The following PRICKLE2 variants were observed in gnomAD, a reference collection of about 807,000 sequenced individuals.
PRICKLE2 encodes the protein prickle planar cell polarity protein 2.
Under a neutral mutation model 81.4 loss-of-function variants are expected in PRICKLE2, and 21 were observed. That is an observed-to-expected ratio of 0.26 (90% CI 0.18 to 0.37). PRICKLE2 has a LOEUF of 0.37. Ranked by LOEUF, PRICKLE2 falls within the 10% of genes least tolerant of loss-of-function variation. The pLI, the probability that PRICKLE2 is intolerant of heterozygous loss-of-function variation, is 1.00. For synonymous variants in PRICKLE2, 456 were observed against 421.5 expected, an observed-to-expected ratio of 1.08 and a Z score of -1.00; for missense variants, 940 against 1,109.0, an observed-to-expected ratio of 0.85 and a Z score of 2.16.
At chr3:64,196,331 A>G (rs1411211035) in intron 2 of PRICKLE2, among the ~76,000 whole-genome samples, 1 of 152,166 alleles carries the variant, frequency 6.6e-6, no homozygotes, top group Non-Finnish European at 1.5e-5. Context: ...AGGTAAACAA[A>G]AGAAAGATGG....
At chr3:64,201,930 G>C (rs529095472) in intron 1 of PRICKLE2, among the ~76,000 whole-genome samples, 9 of 152,186 alleles carry the variant, frequency 5.9e-5, no homozygotes, top group Admixed American at 3.3e-4. Context: ...CACTAAGTAG[G>C]AGTCCACCTT....
chr3:64,238,097 G>T (rs144626691), intron 2 of PRICKLE2, among the ~76,000 whole-genome samples: 2 of 152,200 alleles, frequency 1.3e-5, no homozygotes, highest in African/African-American at 4.8e-5. Context: ...ACCAAAGCAG[G>T]GTCCAAACTA....
chr3:64,221,126 C>A (rs545291596), intron 1 of PRICKLE2, among the ~76,000 whole-genome samples: 2 of 152,060 alleles, frequency 1.3e-5, no homozygotes, highest in Non-Finnish European at 2.9e-5. Flanking sequence ...TTTGCACTTT[C>A]GTGGTGGATT....
intron 2 of PRICKLE2, among the ~76,000 whole-genome samples, chr3:64,179,609 C>A (rs533909434): frequency 1.3e-5 from 2 of 152,136 alleles, no homozygotes; most frequent in African/African-American, 2.4e-5. Context: ...TTAGGCAATT[C>A]AAATTTTTTA....
rs746249344 is a variant in PRICKLE2 at position 64,094,596 on chromosome 3, T to C, written c.*4455A>G. ...TAGTATGGCTCCCAATAGTGAGTCA[T>C]ATTTTATGGGAGTCTTGTGTTGACT... is the stretch of plus-strand genomic sequence containing the variant. On this transcript the variant is annotated 3_prime_UTR_variant, in exon 8 of 8. Transcript: ENST00000638394. The C allele has an allele frequency of 4.6e-5, 7 of 152,238 alleles. No homozygotes were observed. The highest frequency in any genetic ancestry group is 8.8e-5 in the Non-Finnish European group (6 of 68,040). The allele number at this position is 152,238 out of a possible 1,614,324, so 9.4% of individuals were successfully genotyped here.
At chr3:64,116,213 T>G (rs919818975) in intron 7 of PRICKLE2, among the ~76,000 whole-genome samples, 1 of 152,148 alleles carries the variant, frequency 6.6e-6, no homozygotes, top group African/African-American at 2.4e-5. Context: ...AGCAGGAAAC[T>G]TATAGCACTG....
chr3:64,182,509 A>G (rs974372807), intron 2 of PRICKLE2: 2 of 152,094 alleles, frequency 1.3e-5, no homozygotes, highest in African/African-American at 4.8e-5. Flanking sequence ...AGAAAAAAAA[A>G]AAAAAGGACT....
chr3:64,103,869 A>G (rs567271403), intron 7 of PRICKLE2, among the ~76,000 whole-genome samples: 79 of 152,244 alleles, frequency 5.2e-4, no homozygotes, highest in African/African-American at 1.8e-3. Flanking sequence ...AGTCCCAGCT[A>G]CTTGGGAGAC....
intron 7 of PRICKLE2, among the ~76,000 whole-genome samples, chr3:64,144,969 A>G (rs1314749039): frequency 6.6e-6 from 1 of 152,218 alleles, no homozygotes; most frequent in African/African-American, 2.4e-5. Context: ...GATAGTTCTC[A>G]GCCAGTGTTA....
At chr3:64,252,103 G>T (rs1234312855) in intron 2 of PRICKLE2, among the ~76,000 whole-genome samples, 4 of 151,872 alleles carry the variant, frequency 2.6e-5, no homozygotes, top group Admixed American at 2.0e-4. Context: ...AACCCAACAT[G>T]GTCTAAAAAA....
rs569664169 is a variant in PRICKLE2, at chr3:64,125,769, A to G, written c.1660+21061T>C. ...AATTTGCATGACTCACTTTATTGTGATATCTGCTCTATTGAGGTGTTTTAG... is the reference window on the plus strand; with the variant it reads ...AATTTGCATGACTCACTTTATTGTGGTATCTGCTCTATTGAGGTGTTTTAG... On this transcript the variant is annotated intron_variant, in intron 7 of 7. Coordinates refer to ENST00000638394, the MANE Select transcript of PRICKLE2 (RefSeq NM_198859.4). Among the ~76,000 whole-genome samples, 88 of 152,340 alleles carry G rather than the reference A, an allele frequency of 5.8e-4. 1 individual carries two copies. Among genetic ancestry groups the G allele is most frequent in the Non-Finnish European group, 1.0e-3 (71 of 68,026 alleles).
intron 7 of PRICKLE2, among the ~76,000 whole-genome samples, chr3:64,130,396 T>C (rs571950540): frequency 2.0e-5 from 3 of 152,318 alleles, no homozygotes; most frequent in Admixed American, 2.0e-4. Flanking sequence ...GAGCCAGTAA[T>C]GGACAGAGCC....
intron 1 of PRICKLE2, among the ~76,000 whole-genome samples, chr3:64,221,077 C>T (rs183766669): frequency 6.7e-6 from 1 of 150,220 alleles, no homozygotes; most frequent in Admixed American, 6.7e-5. Flanking sequence ...AACAGAGTTG[C>T]CTTCTGAGTT....
chr3:64,191,778 G>C (rs1197241898), intron 2 of PRICKLE2, among the ~76,000 whole-genome samples: 2 of 152,214 alleles, frequency 1.3e-5, no homozygotes, highest in African/African-American at 4.8e-5. Flanking sequence ...GTAGTAGAGA[G>C]ATTTGCCTGA....
chr3:64,136,494 T>A (rs1226339141), intron 7 of PRICKLE2, among the ~76,000 whole-genome samples: 1 of 150,684 alleles, frequency 6.6e-6, no homozygotes, highest in Non-Finnish European at 1.5e-5. Context: ...ATCCCTGGAA[T>A]ACTCAAATTG....
chr3:64,207,539 C>T (rs1008756828), intron 1 of PRICKLE2, among the ~76,000 whole-genome samples: 4 of 152,164 alleles, frequency 2.6e-5, no homozygotes, highest in Non-Finnish European at 4.4e-5. Flanking sequence ...GCCACCCACA[C>T]ATGCACACAC....
At chr3:64,185,593 C>T (rs1010285521) in intron 2 of PRICKLE2, among the ~76,000 whole-genome samples, 2 of 152,198 alleles carry the variant, frequency 1.3e-5, no homozygotes, top group East Asian at 3.9e-4. Context: ...AGTTTCTACC[C>T]CAAATCTCCT....
chr3:64,208,951 C>T (rs113013680), intron 1 of PRICKLE2, among the ~76,000 whole-genome samples: 15 of 152,148 alleles, frequency 9.9e-5, no homozygotes, highest in East Asian at 9.7e-4. Context: ...CATTCATATC[C>T]GAACATACAT....
rs909692119 is a variant in PRICKLE2 at position 64,099,112 on chromosome 3, C to G, written c.2474G>C (p.Gly825Ala). Reference sequence around the variant, plus strand: ...CCTGCTGTGCAACTGTCCTCTGCCACCTAATGTGGAAGATTTGGGGAGGCC... The same window carrying G: ...CCTGCTGTGCAACTGTCCTCTGCCAGCTAATGTGGAAGATTTGGGGAGGCC... ...SYGLPKSSTLGGRGQLHSRKR... is the reference protein window; with the variant it reads ...SYGLPKSSTLAGRGQLHSRKR... The change falls in exon 8 of 8, where the codon GGT (glycine) becomes GCT (alanine). Residue 825 changes from glycine to alanine, a missense_variant. By Grantham distance (60) the Gly-to-Ala change is moderately conservative. Around this residue, in one of 2 missense-constraint regions of PRICKLE2, gnomAD observed 670 missense variants for 717.2 expected, o/e 0.93. Transcript: ENST00000638394. The surrounding 1 kb of genome is among the most constrained non-coding windows in gnomAD (Gnocchi z 4.3). 1.9e-6 allele frequency: 3 copies of G among 1,614,106 alleles called. No homozygotes were observed. The highest frequency in any genetic ancestry group is 2.5e-6 in the Non-Finnish European group (3 of 1,180,056).
Sources: allele counts gnomAD v4.1 joint callset (sites outside exome capture counted in the v4.1 genomes callset), GRCh38; gene constraint gnomAD v4.1.1; regional missense constraint gnomAD v4.1.1; non-coding constraint Gnocchi (gnomAD v3.1); transcripts MANE v1.5; gene names NCBI Gene and HGNC (gene_info 2026-07-23, HGNC 2026-07-21).